Variants in TERF1 observed in about 807,000 individuals in gnomAD.
TERF1 encodes telomeric repeat binding factor 1.
In TERF1, 20 loss-of-function variants were observed where a neutral mutation model predicts 55.1. The ratio of observed to expected loss-of-function variants is 0.36; its 90% CI spans 0.26 to 0.53. The LOEUF (loss-of-function observed/expected upper bound fraction) is 0.53, where lower values mean the gene tolerates loss of function less well. TERF1 is among the 20% of genes least tolerant of loss of function. TERF1 has a pLI of 0.91. For missense variants in TERF1, 439 were observed against 535.7 expected (o/e 0.82, Z 1.78); for synonymous variants, 168 against 181.2 (o/e 0.93, Z 0.59).
At chr8:73,043,575 T>C (rs1809916180) in intron 9 of TERF1, among the ~76,000 whole-genome samples, 1 of 152,198 alleles carries the variant, frequency 6.6e-6, no homozygotes, top group Non-Finnish European at 1.5e-5. Flanking sequence ...TAAATTTTAA[T>C]ATGGTTCTTA....
intron 9 of TERF1, chr8:73,043,182 T>G (rs55786839): frequency 1.5e-3 from 223 of 152,286 alleles, no homozygotes; most frequent in African/African-American, 5.0e-3. Context: ...AACTTAAAAA[T>G]TACAGCTTTC....
Position 73,030,382 on chromosome 8 carries a change from G to A in TERF1, c.934G>A (p.Val312Ile), listed in dbSNP as rs1053376388. Reference sequence around the variant, plus strand: ...GGTAACTGAATCCTCAGAGGGTACAGTATCCTTATTGAGGTGAAGTAAATT... The same window carrying A: ...GGTAACTGAATCCTCAGAGGGTACAATATCCTTATTGAGGTGAAGTAAATT... ...SAVTESSEGT[V>I]SLLRSHKNLF... is the part of the protein sequence containing the mutation. The change falls in exon 7 of 10, where the codon GTA becomes ATA. Residue 312 changes from valine (V) to isoleucine (I), a missense_variant. Physicochemically the swap from Val to Ile is conservative, Grantham distance 29 (BLOSUM62 3). Transcript: ENST00000276603. The A allele has an allele frequency of 5.9e-6, 9 of 1,514,258 alleles. No homozygotes were observed. Among genetic ancestry groups the A allele is most frequent in the Non-Finnish European group, 7.9e-6 (9 of 1,140,444 alleles). 93.8% of individuals were successfully genotyped at this position (1,514,258 alleles called of 1,614,324 possible).
intron 9 of TERF1, among the ~76,000 whole-genome samples, chr8:73,044,214 C>T (rs538697466): frequency 1.3e-5 from 2 of 152,242 alleles, no homozygotes; most frequent in South Asian, 4.1e-4. Flanking sequence ...CTTTGTCTAG[C>T]GATTGAATAG....
At chr8:73,034,358 C>T (rs948646275) in intron 8 of TERF1, among the ~76,000 whole-genome samples, 9 of 152,248 alleles carry the variant, frequency 5.9e-5, no homozygotes, top group African/African-American at 1.9e-4. Context: ...TCTGGAACTC[C>T]TAACCTCAGG....
In TERF1 at chr8:73,030,353, C is replaced by G; in HGVS notation, c.905C>G (p.Ser302Cys). The G allele has an allele frequency of 6.6e-7, 1 of 1,525,432 alleles. No individual in the cohort carries two copies. The highest frequency in any genetic ancestry group is 8.7e-7 in the Non-Finnish European group (1 of 1,147,614). The allele number at this position is 1,525,432 out of a possible 1,614,324, so 94.5% of individuals were successfully genotyped here. The change falls in exon 7 of 10, where the codon TCT (serine) becomes TGT (cysteine). Residue 302 changes from serine to cysteine, a missense_variant. Physicochemically the swap from Ser to Cys is moderately radical, Grantham distance 112. Coordinates refer to ENST00000276603, the MANE Select transcript of TERF1 (RefSeq NM_017489.3). ...TTTTAAAGTGTTAGTGACAAACAGT[C>G]TGCGGTAACTGAATCCTCAGAGGGT... Reference protein sequence around the residue: ...DTRKSVSDKQSAVTESSEGTV... With the variant: ...DTRKSVSDKQCAVTESSEGTV...
chr8:73,016,362 C>A (rs1286752233), intron 2 of TERF1, among the ~76,000 whole-genome samples: 1 of 151,862 alleles, frequency 6.6e-6, no homozygotes, highest in East Asian at 1.9e-4. Flanking sequence ...GGCTGTAGAC[C>A]CCCACGTAGC....
At chr8:73,009,320 TA>T in intron 1 of TERF1, 115 bp downstream of exon 1, 1 of 349,032 alleles carries the variant, frequency 2.9e-6, no homozygotes, top group Non-Finnish European at 4.6e-6. Flanking sequence ...TGCGGCCGAT[TA>T]GCTGGGAGTC....
At chr8:73,034,508 G>A (rs984614127) in intron 8 of TERF1, among the ~76,000 whole-genome samples, 1 of 152,052 alleles carries the variant, frequency 6.6e-6, no homozygotes, top group Admixed American at 6.6e-5. Flanking sequence ...CAAGCAATCT[G>A]CTTGCTGTAA....
At chr8:73,024,800 A>G (rs1435334497) in intron 4 of TERF1, 22 bp from the exon 5 acceptor site, 3 of 1,506,316 alleles carry the variant, frequency 2.0e-6, no homozygotes, top group Non-Finnish European at 2.7e-6. Flanking sequence ...TTATGTTAAT[A>G]TATTTCTTCT....
chr8:73,031,887 G>A (rs753395216), intron 7 of TERF1, 155 bp from the exon 8 acceptor site: 4 of 475,834 alleles, frequency 8.4e-6, no homozygotes, highest in Non-Finnish European at 1.5e-5. Flanking sequence ...GAGGCCACAG[G>A]TTAAGATGGG....
At chr8:73,037,889 A>C (rs1311277096) in intron 8 of TERF1, among the ~76,000 whole-genome samples, 5 of 122,068 alleles carry the variant, frequency 4.1e-5, no homozygotes, top group African/African-American at 1.3e-4. Context: ...TAAATATGAT[A>C]TATAATATAT....
chr8:73,023,446 A>G (rs1389386204), intron 4 of TERF1, among the ~76,000 whole-genome samples: 1 of 152,218 alleles, frequency 6.6e-6, no homozygotes, highest in African/African-American at 2.4e-5. Context: ...CCAGTAAGGA[A>G]CCTGGGCCTA....
In TERF1 at chr8:73,039,017, T is replaced by C. The variant is rs1334709578; in HGVS notation, c.1040-99T>C. ...GTTAAACATGTACTTTTTCTTAGAATAGCTTAGAAAAGGAATTTCATTATA... is the reference window on the plus strand; with the variant it reads ...GTTAAACATGTACTTTTTCTTAGAACAGCTTAGAAAAGGAATTTCATTATA... On this transcript the variant is annotated intron_variant, in intron 8 of 9. Transcript: ENST00000276603. The C allele has an allele frequency of 3.3e-5, 30 of 921,618 alleles. No individual in the cohort carries two copies. The East Asian group carries it at 8.3e-4, about 25-fold the overall frequency. The allele number at this position is 921,618 out of a possible 1,614,324, so 57.1% of individuals were successfully genotyped here.
At chr8:73,012,315 A>G (rs997758386) in intron 1 of TERF1, 1 of 152,278 alleles carries the variant, frequency 6.6e-6, no homozygotes, top group Non-Finnish European at 1.5e-5. Context: ...TACAGATATA[A>G]TAATAATGAA....
intron 9 of TERF1, among the ~76,000 whole-genome samples, chr8:73,044,530 C>T (rs1489657783): frequency 1.3e-5 from 2 of 151,404 alleles, no homozygotes; most frequent in Admixed American, 6.6e-5. Context: ...TTTTTTTCTT[C>T]GATTATAGTA....
At chr8:73,009,284 C>T (rs2129692742) in intron 1 of TERF1, 79 bp downstream of exon 1, 7 of 929,178 alleles carry the variant, frequency 7.5e-6, no homozygotes, top group South Asian at 3.5e-5. Flanking sequence ...AGGGCTGGTT[C>T]CCTACGTCGC....
intron 6 of TERF1, among the ~76,000 whole-genome samples, chr8:73,029,620 G>T (rs1809193547): frequency 6.6e-6 from 1 of 151,796 alleles, no homozygotes; most frequent in African/African-American, 2.4e-5. Flanking sequence ...AAAAAAGGGG[G>T]TGTAATATTT....
At chr8:73,037,821 A>C (rs1287692156) in intron 8 of TERF1, among the ~76,000 whole-genome samples, 7 of 103,582 alleles carry the variant, frequency 6.8e-5, no homozygotes, top group Non-Finnish European at 1.2e-4. Context: ...ATTATATATA[A>C]TATATAGTAT....
intron 8 of TERF1, among the ~76,000 whole-genome samples, chr8:73,036,407 G>A (rs1302200930): frequency 3.3e-5 from 5 of 152,136 alleles, no homozygotes; most frequent in Admixed American, 6.6e-5. Flanking sequence ...GAATAATTTT[G>A]TTAAACTATA....
Sources: gnomAD v4.1 joint callset for allele counts (sites outside exome capture counted in the v4.1 genomes callset) on GRCh38, gnomAD v4.1.1 for gene constraint, MANE v1.5 for transcripts, NCBI Gene and HGNC (gene_info 2026-07-23, HGNC 2026-07-21) for gene names.